RALYL: variants seen among roughly 807,000 people sequenced by gnomAD.
RALYL encodes RNA-binding Raly-like protein.
Under a neutral mutation model 35.1 loss-of-function variants are expected in RALYL, and 29 were observed. The ratio of observed to expected loss-of-function variants is 0.83; its 90% CI spans 0.61 to 1.13. The LOEUF (loss-of-function observed/expected upper bound fraction) is 1.13, where lower values mean the gene tolerates loss of function less well. RALYL is among the 50% of genes most tolerant of loss of function. The probability of loss-of-function intolerance (pLI) is 0.00; values close to 1 mark genes in which losing one functional copy is unlikely to be tolerated. For synonymous variants in RALYL, 120 were observed against 127.6 expected (o/e 0.94, Z 0.40); for missense variants, 359 against 360.4 (o/e 1.00, Z 0.03).
At chr8:84,739,357 A>G (rs1220415932) in intron 2 of RALYL, among the ~76,000 whole-genome samples, 1 of 147,026 alleles carries the variant, frequency 6.8e-6, no homozygotes, top group African/African-American at 2.5e-5. Flanking sequence ...TTTAGTATCA[A>G]AAAAAACTAG....
intron 8 of RALYL, among the ~76,000 whole-genome samples, chr8:84,907,929 T>TCAATCTCTCTTTCTCC (rs1197010036): frequency 6.6e-6 from 1 of 152,054 alleles, no homozygotes; most frequent in East Asian, 1.9e-4. Flanking sequence ...CCTGTTTCTC[T>TCAATCTCTCTTTCTCC]CTCAATCTCT....
intron 1 of RALYL, among the ~76,000 whole-genome samples, chr8:84,416,046 T>C (rs1250439754): frequency 2.0e-5 from 3 of 152,202 alleles, no homozygotes; most frequent in Non-Finnish European, 4.4e-5. Context: ...TATGTTTGTA[T>C]CATATAAATT....
At chr8:84,609,800 G>A (rs1039748570) in intron 2 of RALYL, among the ~76,000 whole-genome samples, 3 of 152,060 alleles carry the variant, frequency 2.0e-5, no homozygotes, top group Admixed American at 6.6e-5. Context: ...CCTGAGAGTT[G>A]GTAATCTATA....
chr8:84,219,844 T>A (rs1821752648), intron 1 of RALYL, among the ~76,000 whole-genome samples: 1 of 151,166 alleles, frequency 6.6e-6, no homozygotes, highest in Admixed American at 6.6e-5. Context: ...TCTTAAAAGG[T>A]AATGATAACA....
intron 2 of RALYL, among the ~76,000 whole-genome samples, chr8:84,562,579 A>T (rs1477354415): frequency 1.3e-5 from 2 of 151,880 alleles, no homozygotes; most frequent in Non-Finnish European, 2.9e-5. Flanking sequence ...ATTCCTAAAA[A>T]ATGGAACAGA....
intron 2 of RALYL, among the ~76,000 whole-genome samples, chr8:84,681,641 G>A (rs1327867688): frequency 6.6e-6 from 1 of 152,120 alleles, no homozygotes; most frequent in Non-Finnish European, 1.5e-5. Context: ...TTGACTCTCT[G>A]TCTGTTATTG....
chr8:84,193,688 A>G (rs1444669847), intron 1 of RALYL, among the ~76,000 whole-genome samples: 2 of 152,216 alleles, frequency 1.3e-5, no homozygotes, highest in Non-Finnish European at 1.5e-5. Context: ...CATGAAATAT[A>G]GAAAGATTCT....
rs35007112 is a variant in RALYL, at chr8:84,241,777, C to CAA, written c.-24+57371_-24+57372dup. On this transcript the variant is annotated intron_variant, in intron 1 of 8. Coordinates refer to ENST00000521268, the MANE Select transcript of RALYL (RefSeq NM_173848.7). ...TGGACAATAGAGGGAGACTGTGTCT[C>CAA]AAAAAAAAAAAAAAAAAAATCTGTA... Among the ~76,000 whole-genome samples the CAA allele has an allele frequency of 2.1e-3, 227 of 110,558 alleles. 2 individuals carry two copies. Among genetic ancestry groups the CAA allele is most frequent in the African/African-American group, 7.1e-3 (212 of 29,656 alleles). 72.5% of individuals were successfully genotyped at this position (110,558 alleles called of 152,430 possible).
intron 2 of RALYL, among the ~76,000 whole-genome samples, chr8:84,660,547 G>A (rs1830707192): frequency 6.6e-6 from 1 of 151,814 alleles, no homozygotes; most frequent in Non-Finnish European, 1.5e-5. Context: ...TCATTTCATA[G>A]AGTTTATATT....
intron 1 of RALYL, among the ~76,000 whole-genome samples, chr8:84,222,529 G>T (rs1822498963): frequency 6.6e-6 from 1 of 152,104 alleles, no homozygotes; most frequent in Non-Finnish European, 1.5e-5. Context: ...TTTTCTTAAG[G>T]CTCTGATGAT....
intron 1 of RALYL, among the ~76,000 whole-genome samples, chr8:84,350,696 C>G (rs1048813649): frequency 6.7e-6 from 1 of 150,232 alleles, no homozygotes; most frequent in African/African-American, 2.5e-5. Flanking sequence ...TGGGACAATA[C>G]TGCCAAATAA....
intron 2 of RALYL, among the ~76,000 whole-genome samples, chr8:84,570,412 A>C (rs1807660296): frequency 6.6e-6 from 1 of 151,460 alleles, no homozygotes; most frequent in Admixed American, 6.6e-5. Flanking sequence ...AACGTTACTG[A>C]GTTGTGTACA....
At chr8:84,484,698 C>T (rs1346815507) in intron 1 of RALYL, among the ~76,000 whole-genome samples, 4 of 152,148 alleles carry the variant, frequency 2.6e-5, no homozygotes, top group Admixed American at 2.6e-4. Flanking sequence ...AACAGTTAAA[C>T]TCCAAAATAC....
At chr8:84,706,732 G>T (rs1017058073) in intron 2 of RALYL, among the ~76,000 whole-genome samples, 1 of 152,086 alleles carries the variant, frequency 6.6e-6, no homozygotes. Flanking sequence ...GGAACTGAAA[G>T]CTATCAGGAT....
intron 1 of RALYL, among the ~76,000 whole-genome samples, chr8:84,496,924 A>C (rs1468925600): frequency 6.6e-6 from 1 of 152,180 alleles, no homozygotes; most frequent in African/African-American, 2.4e-5. Flanking sequence ...GAAAACAGAA[A>C]TATCTCCCTC....
At chr8:84,368,384 G>A (rs1854969785) in intron 1 of RALYL, among the ~76,000 whole-genome samples, 1 of 152,058 alleles carries the variant, frequency 6.6e-6, no homozygotes, top group South Asian at 2.1e-4. Context: ...AAAATGCTTA[G>A]ACATATGTTT....
intron 1 of RALYL, among the ~76,000 whole-genome samples, chr8:84,199,806 A>C (rs1235315188): frequency 2.0e-5 from 3 of 152,124 alleles, no homozygotes; most frequent in Non-Finnish European, 4.4e-5. Context: ...CGTTCACTCT[A>C]GGTGTGTGAA....
intron 1 of RALYL, among the ~76,000 whole-genome samples, chr8:84,477,177 C>T (rs573988302): frequency 2.0e-5 from 3 of 152,232 alleles, no homozygotes; most frequent in Middle Eastern, 6.8e-3. Context: ...CTCATTGCCA[C>T]ATGTTAGCTG....
chr8:84,605,228 A>C (rs986561926), intron 2 of RALYL, among the ~76,000 whole-genome samples: 2 of 152,144 alleles, frequency 1.3e-5, no homozygotes, highest in African/African-American at 4.8e-5. Context: ...TATCTGAACT[A>C]AATCAATAAC....
Sources: allele counts gnomAD v4.1 joint callset (sites outside exome capture counted in the v4.1 genomes callset), GRCh38; gene constraint gnomAD v4.1.1; transcripts MANE v1.5; gene names NCBI Gene and HGNC (gene_info 2026-07-23, HGNC 2026-07-21).